The following ENPP2 variants were observed in gnomAD, a reference collection of about 807,000 sequenced individuals.
The protein encoded by ENPP2 is autotaxin.
In ENPP2, 51 loss-of-function variants were observed where a neutral mutation model predicts 120.2. The ratio of observed to expected loss-of-function variants is 0.42; its 90% CI spans 0.34 to 0.54. ENPP2 has a LOEUF of 0.54. ENPP2 is among the 20% of genes least tolerant of loss of function. The pLI, the probability that ENPP2 is intolerant of heterozygous loss-of-function variation, is 0.04. For synonymous variants in ENPP2, 365 were observed against 366.4 expected, an observed-to-expected ratio of 1.00 and a Z score of 0.04; for missense variants, 920 against 1,066.5, an observed-to-expected ratio of 0.86 and a Z score of 1.91.
chr8:119,636,509 C>T (rs116095065), intron 2 of ENPP2, among the ~76,000 whole-genome samples: 2,006 of 152,156 alleles, frequency 0.013, 44 homozygotes, highest in African/African-American at 0.046. Context: ...ATCATAAAGG[C>T]CTAAAATAAC....
chr8:119,618,727 G>T (rs930505667), intron 5 of ENPP2, among the ~76,000 whole-genome samples: 3 of 151,576 alleles, frequency 2.0e-5, no homozygotes, highest in Non-Finnish European at 2.9e-5. Flanking sequence ...TAGAGGCGGG[G>T]TGTCACCATG....
chr8:119,655,260 G>T (rs548220589), intron 1 of ENPP2, among the ~76,000 whole-genome samples: 1 of 152,178 alleles, frequency 6.6e-6, no homozygotes, highest in Non-Finnish European at 1.5e-5. Context: ...TCTCTGACAC[G>T]TCTGTGTCTC....
intron 1 of ENPP2, among the ~76,000 whole-genome samples, chr8:119,662,505 G>A (rs1259357313): frequency 6.6e-6 from 1 of 152,108 alleles, no homozygotes; most frequent in Non-Finnish European, 1.5e-5. Context: ...TTAGGGGTGG[G>A]GCTCAGCAGC....
In ENPP2 at chr8:119,590,566, A is replaced by G. The variant is rs771324530; in HGVS notation, c.1146T>C (p.Asp382=). 6.3e-7 allele frequency: 1 copy of G among 1,593,036 alleles called. No homozygotes were observed. The highest frequency in any genetic ancestry group is 1.1e-5 in the South Asian group (1 of 88,670). The change falls in exon 13 of 25, where the codon GAT becomes GAC. Residue 382 remains aspartate (D), a synonymous_variant. Coordinates refer to ENST00000075322, the MANE Select transcript of ENPP2 (RefSeq NM_001040092.3). ...CTAGAGTTCCAGGCACTAAAGTAATATCATCCACATTAGTTAGGTAATTAC... is the reference window on the plus strand; with the variant it reads ...CTAGAGTTCCAGGCACTAAAGTAATGTCATCCACATTAGTTAGGTAATTAC... The part of the protein sequence containing the change: ...FLSNYLTNVD[D]ITLVPGTLGR...
intron 1 of ENPP2, among the ~76,000 whole-genome samples, chr8:119,652,939 A>C (rs2130878204): frequency 6.6e-6 from 1 of 152,332 alleles, no homozygotes; most frequent in Non-Finnish European, 1.5e-5. Context: ...AGAGACCAGC[A>C]CTAACAGCAA....
chr8:119,659,334 A>AAAAAAAAAAAAAAAAAAAAAAAC (rs58435393), intron 1 of ENPP2, among the ~76,000 whole-genome samples: 5 of 130,794 alleles, frequency 3.8e-5, no homozygotes, highest in South Asian at 2.9e-4. Context: ...AAAAAAAAAA[A>AAAAAAAAAAAAAAAAAAAAAAAC]AAACCAGAGT....
chr8:119,629,911 C>A (rs1286707397), intron 2 of ENPP2, among the ~76,000 whole-genome samples: 3 of 152,098 alleles, frequency 2.0e-5, no homozygotes, highest in African/African-American at 7.2e-5. Context: ...CTCATTTCAA[C>A]AGCGTTCTAG....
Position 119,590,485 on chromosome 8 carries a change from T to G in ENPP2, c.1207+20A>C. ...TTGTATTACCACTCTAACCACTTAA[T>G]ATTTTAAGAATCAACTTACATTTAG... On this transcript the variant is annotated intron_variant, in intron 13 of 24. Transcript: ENST00000075322. 1 of 1,578,280 alleles carries G rather than the reference T, an allele frequency of 6.3e-7. No individual in the cohort carries two copies. The highest frequency in any genetic ancestry group is 8.6e-7 in the Non-Finnish European group (1 of 1,162,986).
Position 119,620,463 on chromosome 8 carries a change from A to G in ENPP2, c.418+931T>C, listed in dbSNP as rs188782394. 6.6e-3 allele frequency among the ~76,000 whole-genome samples: 1,002 copies of G among 152,364 alleles called. 11 individuals carry two copies. Among genetic ancestry groups the G allele is most frequent in the African/African-American group, 0.023 (950 of 41,596 alleles). The stretch of plus-strand genomic sequence containing the variant: ...TATATTAATATAACACCCTCTTGCC[A>G]CAACTAAACACCTTACATATTGCAG... On this transcript the variant is annotated intron_variant, in intron 4 of 24. Transcript: ENST00000075322.
At chr8:119,634,448 T>G (rs1407251979) in intron 2 of ENPP2, among the ~76,000 whole-genome samples, 2 of 152,226 alleles carry the variant, frequency 1.3e-5, no homozygotes, top group African/African-American at 4.8e-5. Context: ...CAATAAGGTA[T>G]AAGTTTAAAC....
chr8:119,628,640 T>A (rs915594892), intron 2 of ENPP2, among the ~76,000 whole-genome samples: 3 of 152,114 alleles, frequency 2.0e-5, no homozygotes, highest in African/African-American at 4.8e-5. Flanking sequence ...ACAAAATATA[T>A]AAATAAGTTG....
intron 4 of ENPP2, among the ~76,000 whole-genome samples, chr8:119,620,539 G>A (rs1815816806): frequency 6.6e-6 from 1 of 152,090 alleles, no homozygotes; most frequent in South Asian, 2.1e-4. Flanking sequence ...CTTCTTAAAT[G>A]TTCCACATCA....
At chr8:119,671,132 CAA>C (rs371191607) in intron 1 of ENPP2, among the ~76,000 whole-genome samples, 1,347 of 115,194 alleles carry the variant, frequency 0.012, 17 homozygotes, top group African/African-American at 0.043. Flanking sequence ...ACTAAAAATA[CAA>C]AAAAAAAAAA....
intron 17 of ENPP2, among the ~76,000 whole-genome samples, chr8:119,583,346 A>G (rs1481683611): frequency 6.6e-6 from 1 of 152,218 alleles, no homozygotes; most frequent in Non-Finnish European, 1.5e-5. Flanking sequence ...GCTGGCCAGG[A>G]TGCAAGCTGG....
At chr8:119,634,405 T>C (rs1816875539) in intron 2 of ENPP2, among the ~76,000 whole-genome samples, 1 of 152,172 alleles carries the variant, frequency 6.6e-6, no homozygotes, top group Non-Finnish European at 1.5e-5. Flanking sequence ...AACAATAAAA[T>C]GTTGTCATTT....
chr8:119,589,845 C>T (rs1406373696), intron 13 of ENPP2, among the ~76,000 whole-genome samples: 1 of 152,104 alleles, frequency 6.6e-6, no homozygotes, highest in Non-Finnish European at 1.5e-5. Context: ...GCTAGGTAGA[C>T]AGCACCTAAA....
At chr8:119,597,082 T>C (rs969120211) in intron 11 of ENPP2, among the ~76,000 whole-genome samples, 1 of 152,158 alleles carries the variant, frequency 6.6e-6, no homozygotes, top group African/African-American at 2.4e-5. Flanking sequence ...AAGGGGAACA[T>C]CTGCCATGCG....
At chr8:119,575,949 G>A (rs945104941) in intron 19 of ENPP2, among the ~76,000 whole-genome samples, 2 of 152,020 alleles carry the variant, frequency 1.3e-5, no homozygotes, top group Non-Finnish European at 2.9e-5. Flanking sequence ...AGATACACAC[G>A]CAGACACAAA....
intron 7 of ENPP2, 68 bp downstream of exon 7, chr8:119,617,096 C>A (rs1407564912): frequency 2.0e-6 from 2 of 990,146 alleles, no homozygotes; most frequent in African/African-American, 3.2e-5. Context: ...AAAGTAAAGT[C>A]TCTCCTTTAA....
Sources: gnomAD v4.1 joint callset for allele counts (sites outside exome capture counted in the v4.1 genomes callset) on GRCh38, gnomAD v4.1.1 for gene constraint, MANE v1.5 for transcripts, NCBI Gene and HGNC (gene_info 2026-07-23, HGNC 2026-07-21) for gene names.